The following KCNK16 variants were observed in gnomAD, a reference collection of about 807,000 sequenced individuals.
The protein encoded by KCNK16 is potassium two pore domain channel subfamily K member 16, also known as potassium channel subfamily K member 16.
KCNK16 carries 23 observed loss-of-function variants against 23.0 expected under a neutral mutation model. That is an observed-to-expected ratio of 1.00 (90% CI 0.72 to 1.41). The LOEUF (loss-of-function observed/expected upper bound fraction) is 1.41, where lower values mean the gene tolerates loss of function less well. KCNK16 is among the 40% of genes most tolerant of loss of function. KCNK16 has a pLI of 0.00. For synonymous variants in KCNK16, 145 were observed against 153.5 expected, an observed-to-expected ratio of 0.94 and a Z score of 0.41; for missense variants, 327 against 365.8, an observed-to-expected ratio of 0.89 and a Z score of 0.87.
chr6:39,314,707 G>A (rs995163357), downstream of KCNK16: 9 of 450,666 alleles, frequency 2.0e-5, no homozygotes, highest in African/African-American at 1.6e-4. Flanking sequence ...GTAGGAGATA[G>A]TAGAGACCAA....
chr6:39,322,675 G>A lies in KCNK16; in HGVS notation c.-135C>T, dbSNP rs915021938. 38 of 1,339,942 alleles carry A rather than the reference G, an allele frequency of 2.8e-5. No individual in the cohort carries two copies. The highest frequency in any genetic ancestry group is 3.7e-5 in the Non-Finnish European group (37 of 1,008,608). 83.0% of individuals were successfully genotyped at this position (1,339,942 alleles called of 1,614,324 possible). ...CCCTCCTCCTCGGCACAGGTGTCTG[G>A]AGGCTGGGGAGACTGTTTGAACAGT... On this transcript the variant is annotated 5_prime_UTR_variant, in exon 1 of 5. Coordinates refer to ENST00000437525, the MANE Select transcript of KCNK16 (RefSeq NM_001135106.2).
At chr6:39,316,592 G>A in intron 4 of KCNK16, 150 bp from the exon 5 acceptor site, 1 of 1,217,498 alleles carries the variant, frequency 8.2e-7, no homozygotes, top group South Asian at 1.5e-5. Flanking sequence ...GGGTGGTGAT[G>A]GGTCCTAGAC....
At chr6:39,314,952 C>G (rs570456881), downstream of KCNK16, 597 of 1,514,008 alleles carry the variant, frequency 3.9e-4, 8 homozygotes, top group South Asian at 7.7e-3. Context: ...CGAAATCCCT[C>G]TACCTGGAGT....
intron 2 of KCNK16, among the ~76,000 whole-genome samples, chr6:39,318,225 T>C (rs918044803): frequency 6.6e-6 from 1 of 152,242 alleles, no homozygotes; most frequent in Non-Finnish European, 1.5e-5. Context: ...GTGTTTTATG[T>C]CATTGCTATG....
At position 39,322,312 on chromosome 6, in the gene KCNK16, C is replaced by T; in HGVS notation, c.213+16G>A. ...CCCAAGCCTCTCCATCCCAATCCCA[C>T]ATCGCTCCCCTTCACCTGCACAAAC... On this transcript the variant is annotated intron_variant, in intron 1 of 4. Coordinates refer to ENST00000437525, the MANE Select transcript of KCNK16 (RefSeq NM_001135106.2). 6.2e-7 allele frequency: 1 copy of T among 1,604,842 alleles called. No individual in the cohort carries two copies. Among genetic ancestry groups the T allele is most frequent in the Non-Finnish European group, 8.5e-7 (1 of 1,172,530 alleles).
intron 1 of KCNK16, among the ~76,000 whole-genome samples, chr6:39,320,687 C>T (rs1762483094): frequency 6.6e-6 from 1 of 152,130 alleles, no homozygotes; most frequent in South Asian, 2.1e-4. Context: ...TCCTGTCTTC[C>T]CTGGGGAGGC....
At position 39,317,923 on chromosome 6, in the gene KCNK16, C is replaced by G. The variant is rs750771477; in HGVS notation, c.358G>C (p.Ala120Pro). 1.9e-6 allele frequency: 3 copies of G among 1,611,234 alleles called. No individual in the cohort carries two copies. The highest frequency in any genetic ancestry group is 2.5e-6 in the Non-Finnish European group (3 of 1,178,638). The part of the protein sequence containing the change: ...GYGNLAPSTE[A>P]GQVFCVFYAL... ...TAGAAGACACAGAAGACCTGACCTG[C>G]CTCTGTGCTGGGTGCCAGGTTCCCA... The change falls in exon 3 of 5, where the codon GCA becomes CCA. Residue 120 changes from alanine to proline, a missense_variant. Ala to Pro is a conservative substitution (Grantham distance 27). Coordinates refer to ENST00000437525, the MANE Select transcript of KCNK16 (RefSeq NM_001135106.2).
intron 1 of KCNK16, among the ~76,000 whole-genome samples, chr6:39,321,176 G>A (rs1166794542): frequency 6.6e-6 from 1 of 152,152 alleles, no homozygotes; most frequent in Non-Finnish European, 1.5e-5. Flanking sequence ...TGCGGAGTGG[G>A]GCTTGACATC....
chr6:39,322,903 G>C, upstream of KCNK16: 1 of 244,576 alleles, frequency 4.1e-6, no homozygotes. Context: ...GGATAGGTGT[G>C]CTCACTCTGT....
intron 2 of KCNK16, among the ~76,000 whole-genome samples, chr6:39,318,515 C>T (rs972003779): frequency 6.6e-6 from 1 of 152,170 alleles, no homozygotes; most frequent in Non-Finnish European, 1.5e-5. Flanking sequence ...CTGTCAGTGC[C>T]CTGTTCCCTC....
At position 39,322,423 on chromosome 6, in the gene KCNK16, C is replaced by G. The variant is rs748155237; in HGVS notation, c.118G>C (p.Glu40Gln). Residue 40 changes from glutamate (E) to glutamine (Q), a missense_variant, in exon 1 of 5, where the codon GAG (glutamate) becomes CAG (glutamine). Transcript: ENST00000437525. ...TGAAACTGGTCCCTGGACTGAGCCT[C>G]CGCCTGCCTCTCTAGCAGCTGGAAG... ...TIFQLLERQA[E>Q]AQSRDQFQLE... 1 of 1,614,130 alleles carries G rather than the reference C, an allele frequency of 6.2e-7. No individual in the cohort carries two copies. The highest frequency in any genetic ancestry group is 1.1e-5 in the South Asian group (1 of 91,078).
chr6:39,321,451 C>T (rs531769359), intron 1 of KCNK16, among the ~76,000 whole-genome samples: 16 of 152,320 alleles, frequency 1.1e-4, no homozygotes, highest in South Asian at 1.0e-3. Context: ...ACCTGTAACA[C>T]GCTCAGTGTC....
At chr6:39,316,023 A>G, downstream of KCNK16, 1 of 777,598 alleles carries the variant, frequency 1.3e-6, no homozygotes. Context: ...ACATGTCTTT[A>G]ATCCTATCTC....
chr6:39,317,541 C>T (rs182686292), intron 3 of KCNK16, among the ~76,000 whole-genome samples: 4 of 152,304 alleles, frequency 2.6e-5, no homozygotes, highest in East Asian at 1.9e-4. Context: ...TGGCTGGTTC[C>T]GCCCACTGTG....
intron 1 of KCNK16, among the ~76,000 whole-genome samples, chr6:39,321,893 CT>C (rs2113858208): frequency 1.3e-5 from 2 of 152,322 alleles, no homozygotes; most frequent in South Asian, 4.1e-4. Context: ...GGGATATGAG[CT>C]GGGAGAGGGC....
At chr6:39,315,364 A>C (rs561841282), downstream of KCNK16, 3 of 1,551,638 alleles carry the variant, frequency 1.9e-6, no homozygotes, top group Non-Finnish European at 2.6e-6. Flanking sequence ...CTGGCTTCCC[A>C]TGGGGTGTTT....
intron 1 of KCNK16, 43 bp downstream of exon 1, chr6:39,322,285 T>C: frequency 6.3e-7 from 1 of 1,586,420 alleles, no homozygotes. Context: ...TCCACCAACC[T>C]TCCCAAGCCT....
intron 4 of KCNK16, 38 bp from the exon 5 acceptor site, chr6:39,316,480 C>T: frequency 1.3e-6 from 2 of 1,558,042 alleles, no homozygotes; most frequent in Non-Finnish European, 1.7e-6. Flanking sequence ...CCAGGGGTCT[C>T]AGGGCATAGC....
At chr6:39,315,719 A>G (rs1255891211), downstream of KCNK16, among the ~76,000 whole-genome samples, 3 of 152,084 alleles carry the variant, frequency 2.0e-5, no homozygotes, top group Non-Finnish European at 2.9e-5. Flanking sequence ...CATTTTGGGC[A>G]CTGTGTTGGG....
Sources: allele counts gnomAD v4.1 joint callset (sites outside exome capture counted in the v4.1 genomes callset), GRCh38; gene constraint gnomAD v4.1.1; transcripts MANE v1.5; gene names NCBI Gene and HGNC (gene_info 2026-07-23, HGNC 2026-07-21).